The following GLT1D1 variants were observed in gnomAD, a reference collection of about 807,000 sequenced individuals.
The protein encoded by GLT1D1 is glycosyltransferase 1 domain containing 1.
In GLT1D1, 21 loss-of-function variants were observed where a neutral mutation model predicts 28.7. That is an observed-to-expected ratio of 0.73 (90% CI 0.52 to 1.05). The LOEUF (loss-of-function observed/expected upper bound fraction) is 1.05. Among genes scored for constraint, GLT1D1 ranks in the 50% least tolerant of loss-of-function variants. The pLI is 0.00. For synonymous variants in GLT1D1, 147 were observed against 124.8 expected, an observed-to-expected ratio of 1.18 and a Z score of -1.19; for missense variants, 343 against 330.6, an observed-to-expected ratio of 1.04 and a Z score of -0.29.
intron 2 of GLT1D1, among the ~76,000 whole-genome samples, chr12:128,887,910 C>G (rs531207265): frequency 6.6e-6 from 1 of 152,184 alleles, no homozygotes. Flanking sequence ...TTCGGGGAGT[C>G]GCTTTTGATA....
intron 7 of GLT1D1, among the ~76,000 whole-genome samples, chr12:128,976,339 T>C (rs1236785991): frequency 6.6e-6 from 1 of 152,094 alleles, no homozygotes; most frequent in African/African-American, 2.4e-5. Context: ...TCTCGGGGAC[T>C]GAGGGCGGGT....
Position 128,853,634 on chromosome 12 carries a change from C to T in GLT1D1, c.53C>T (p.Thr18Met). 8.6e-7 allele frequency: 1 copy of T among 1,168,372 alleles called. No homozygotes were observed. The highest frequency in any genetic ancestry group is 5.8e-5 in the East Asian group (1 of 17,282). 72.4% of individuals were successfully genotyped at this position (1,168,372 alleles called of 1,614,324 possible). A position where few individuals can be genotyped will look rare whatever the true frequency, so the allele number is the denominator to read the frequency against. ...CGGCCACACACCGGCAACGCGGTCA[C>T]GGCCCAGCGCGTTCGGTAGGTGCAG... Residue 18 changes from threonine (T) to methionine (M), a missense_variant, in exon 1 of 8, where the codon ACG (threonine) becomes ATG (methionine). Transcript: ENST00000281703.
chr12:128,915,082 T>C lies in GLT1D1; in HGVS notation c.375+15795T>C, dbSNP rs1391441415. 4.9e-6 allele frequency: 5 copies of C among 1,012,574 alleles called. No homozygotes were observed. The Admixed American group carries it at 1.1e-4, about 22-fold the overall frequency. The allele number at this position is 1,012,574 out of a possible 1,614,324, so 62.7% of individuals were successfully genotyped here. A position where few individuals can be genotyped will look rare whatever the true frequency, so the allele number is the denominator to read the frequency against. ...TGACGTTCATGCGGTTTTGAAAAAG[T>C]GGTTGTCAGAGAGAACAAGGTTCAT... On this transcript the variant is annotated intron_variant, in intron 4 of 7. Coordinates refer to ENST00000281703, the MANE Select transcript of GLT1D1 (RefSeq NM_144669.3).
At chr12:128,880,272 A>T (rs977058672) in intron 2 of GLT1D1, among the ~76,000 whole-genome samples, 3 of 152,182 alleles carry the variant, frequency 2.0e-5, no homozygotes, top group East Asian at 3.8e-4. Flanking sequence ...TGCTTCTTTT[A>T]AGAGTTGAAG....
At chr12:128,973,550 C>T (rs1306681072) in intron 7 of GLT1D1, among the ~76,000 whole-genome samples, 2 of 151,860 alleles carry the variant, frequency 1.3e-5, no homozygotes, top group African/African-American at 4.8e-5. Context: ...GATTTACCGC[C>T]GCACTTTAAT....
intron 4 of GLT1D1, among the ~76,000 whole-genome samples, chr12:128,901,628 G>A (rs1870280570): frequency 6.6e-6 from 1 of 150,638 alleles, no homozygotes. Flanking sequence ...GTAGAAACGG[G>A]GTTTCACCAT....
At chr12:128,931,646 C>T (rs1355064668) in intron 4 of GLT1D1, among the ~76,000 whole-genome samples, 1 of 152,152 alleles carries the variant, frequency 6.6e-6, no homozygotes, top group African/African-American at 2.4e-5. Flanking sequence ...GGCACCTCCC[C>T]TCTAACTTTC....
At chr12:128,860,568 G>A (rs1956334203) in intron 1 of GLT1D1, among the ~76,000 whole-genome samples, 1 of 152,174 alleles carries the variant, frequency 6.6e-6, no homozygotes, top group Non-Finnish European at 1.5e-5. Flanking sequence ...GCCCTTGAGG[G>A]GTTGCCAGCT....
chr12:128,952,676 T>C (rs1295739537), intron 6 of GLT1D1, among the ~76,000 whole-genome samples: 18 of 150,692 alleles, frequency 1.2e-4, no homozygotes, highest in Non-Finnish European at 2.2e-4. Flanking sequence ...GGTTTCTCCA[T>C]GTTGGTCAGT....
chr12:128,932,031 G>GC (rs1399667221), intron 4 of GLT1D1, among the ~76,000 whole-genome samples: 1 of 152,192 alleles, frequency 6.6e-6, no homozygotes, highest in Non-Finnish European at 1.5e-5. Flanking sequence ...ATGGGTTTGA[G>GC]CAAGGATCGC....
At chr12:128,925,998 T>C (rs1413086181) in intron 4 of GLT1D1, among the ~76,000 whole-genome samples, 1 of 152,154 alleles carries the variant, frequency 6.6e-6, no homozygotes, top group East Asian at 1.9e-4. Flanking sequence ...GAGACCAACC[T>C]GGCCAACATG....
chr12:128,864,069 T>C, intron 1 of GLT1D1: 1 of 592,074 alleles, frequency 1.7e-6, no homozygotes, highest in Non-Finnish European at 3.0e-6. Flanking sequence ...CTTGTGCCGC[T>C]GTGTGCACTG....
At chr12:128,896,940 C>A (rs73153428) in intron 3 of GLT1D1, among the ~76,000 whole-genome samples, 2,801 of 152,198 alleles carry the variant, frequency 0.018, 165 homozygotes, top group Admixed American at 0.11. Flanking sequence ...GGTAGAATTG[C>A]AAGGTCTAAC....
At position 128,866,770 on chromosome 12, in the gene GLT1D1, G is replaced by A. The variant is rs537877098; in HGVS notation, c.69-9144G>A. On this transcript the variant is annotated intron_variant, in intron 1 of 7. Coordinates refer to ENST00000281703, the MANE Select transcript of GLT1D1 (RefSeq NM_144669.3). ...TGTGTAGCAGAAATTACAGGCGTGC[G>A]CCACCACACCTGGCTAATTCTTATA... is the stretch of plus-strand genomic sequence containing the variant. Among the ~76,000 whole-genome samples, 11 of 152,094 alleles carry A rather than the reference G, an allele frequency of 7.2e-5. No individual in the cohort carries two copies. In the East Asian group the frequency reaches 1.6e-3, roughly 22 times the overall value.
intron 4 of GLT1D1, among the ~76,000 whole-genome samples, chr12:128,937,496 T>G (rs757527009): frequency 6.6e-6 from 1 of 152,054 alleles, no homozygotes; most frequent in Non-Finnish European, 1.5e-5. Context: ...GACAGGGTGA[T>G]GGGAAAGTGT....
intron 4 of GLT1D1, 110 bp from the exon 9 acceptor site, chr12:128,945,216 C>A: frequency 8.8e-7 from 1 of 1,133,420 alleles, no homozygotes. Context: ...TGGCCGCAGA[C>A]CGAGGCCCAC....
intron 7 of GLT1D1, among the ~76,000 whole-genome samples, chr12:128,980,990 G>T (rs897100482): frequency 9.2e-5 from 14 of 152,200 alleles, no homozygotes; most frequent in African/African-American, 3.4e-4. Flanking sequence ...GTCTACAGGC[G>T]CGTGTCCAGC....
At chr12:128,885,869 GT>G (rs1957163045) in intron 2 of GLT1D1, among the ~76,000 whole-genome samples, 1 of 152,174 alleles carries the variant, frequency 6.6e-6, no homozygotes, top group African/African-American at 2.4e-5. Context: ...GCCTCCTTTA[GT>G]AGCAGTTTTT....
At chr12:128,880,855 A>G (rs1274831204) in intron 2 of GLT1D1, among the ~76,000 whole-genome samples, 2 of 152,104 alleles carry the variant, frequency 1.3e-5, no homozygotes, top group Non-Finnish European at 2.9e-5. Flanking sequence ...TTTTGGTTTT[A>G]TTTATGTTTT....
Sources: gnomAD v4.1 joint callset for allele counts (sites outside exome capture counted in the v4.1 genomes callset) on GRCh38, gnomAD v4.1.1 for gene constraint, MANE v1.5 for transcripts, NCBI Gene and HGNC (gene_info 2026-07-23, HGNC 2026-07-21) for gene names.